Variants in APOBEC3D observed in about 807,000 individuals in gnomAD.
APOBEC3D encodes DNA dC->dU-editing enzyme APOBEC-3D.
In APOBEC3D, 37 loss-of-function variants were observed where a neutral mutation model predicts 45.6. The ratio of observed to expected loss-of-function variants is 0.81; its 90% CI spans 0.62 to 1.07. The LOEUF (loss-of-function observed/expected upper bound fraction) is 1.07, where lower values mean the gene tolerates loss of function less well. Among genes scored for constraint, APOBEC3D ranks in the 50% least tolerant of loss-of-function variants. The pLI, the probability that APOBEC3D is intolerant of heterozygous loss-of-function variation, is 0.00. For synonymous variants in APOBEC3D, 175 were observed against 180.7 expected (o/e 0.97, Z 0.25); for missense variants, 496 against 495.3 (o/e 1.00, Z -0.01).
intron 4 of APOBEC3D, among the ~76,000 whole-genome samples, chr22:39,027,094 C>T (rs1925747238): frequency 6.6e-6 from 1 of 152,092 alleles, no homozygotes; most frequent in South Asian, 2.1e-4. Context: ...CTAAGGCCCT[C>T]GGGAGAGATG....
chr22:39,025,545 T>A lies in APOBEC3D; in HGVS notation c.491-12T>A, dbSNP rs748431888. 3 of 1,614,108 alleles carry A rather than the reference T, an allele frequency of 1.9e-6. No individual in the cohort carries two copies. In the South Asian group the frequency reaches 3.3e-5, roughly 18 times the overall value. ...GGGGAGAGCCTGAGTGCTTCCCACC[T>A]CTTCATCTCAGACTTTGCATACTGC... On this transcript the variant is annotated splice_polypyrimidine_tract_variant and intron_variant, in intron 3 of 6. Transcript: ENST00000216099.
intron 5 of APOBEC3D, among the ~76,000 whole-genome samples, chr22:39,030,599 T>C (rs1926113837): frequency 6.6e-6 from 1 of 152,088 alleles, no homozygotes; most frequent in South Asian, 2.1e-4. Context: ...ATGCGCTGTG[T>C]ATTTTACACG....
chr22:39,029,667 TC>T, intron 5 of APOBEC3D, 148 bp downstream of exon 5: 1 of 1,062,748 alleles, frequency 9.4e-7, no homozygotes, highest in East Asian at 2.7e-5. Flanking sequence ...AGACAGAGTC[TC>T]CCTCATGCAA....
At position 39,021,415 on chromosome 22, in the gene APOBEC3D, C is replaced by T; in HGVS notation, c.-105C>T. ...GCCACCGTGCCCGGCCGGGAGGTCA[C>T]TTTAAGGAGGGCTGTCCAACTGCAA... On this transcript the variant is annotated 5_prime_UTR_variant, in exon 1 of 7. Coordinates refer to ENST00000216099, the MANE Select transcript of APOBEC3D (RefSeq NM_152426.4). 6.4e-7 allele frequency: 1 copy of T among 1,570,234 alleles called. No homozygotes were observed. Among genetic ancestry groups the T allele is most frequent in the Non-Finnish European group, 8.7e-7 (1 of 1,144,384 alleles).
chr22:39,031,386 G>A (rs1166299693), intron 5 of APOBEC3D, among the ~76,000 whole-genome samples: 1 of 152,134 alleles, frequency 6.6e-6, no homozygotes, highest in Non-Finnish European at 1.5e-5. Context: ...TGGGCAATGT[G>A]GCACGACTCC....
intron 5 of APOBEC3D, 124 bp downstream of exon 5, chr22:39,029,643 T>TTC: frequency 1.1e-6 from 1 of 950,010 alleles, no homozygotes. Flanking sequence ...ATTTCTTTCT[T>TTC]TTTTTTTTTT....
rs756715114 is a variant in APOBEC3D at position 39,029,534 on chromosome 22, C to T, written c.762+15C>T. Reference sequence around the variant, plus strand: ...TCCGAAACCAGGTAGCACCAAAGTCCTATTTACACCCTAAATAGGAGCTAA... The same window carrying T: ...TCCGAAACCAGGTAGCACCAAAGTCTTATTTACACCCTAAATAGGAGCTAA... On this transcript the variant is annotated intron_variant, in intron 5 of 6. Coordinates refer to ENST00000216099, the MANE Select transcript of APOBEC3D (RefSeq NM_152426.4). 5 of 1,613,962 alleles carry T rather than the reference C, an allele frequency of 3.1e-6. No homozygotes were observed. The African/African-American group carries it at 6.7e-5, about 22-fold the overall frequency.
chr22:39,032,098 TG>T, intron 6 of APOBEC3D, 99 bp from the exon 7 acceptor site: 1 of 1,582,244 alleles, frequency 6.3e-7, no homozygotes, highest in Non-Finnish European at 8.6e-7. Flanking sequence ...CGGCGCCAGC[TG>T]CAACTGGCAG....
chr22:39,021,706 C>T (rs765837718), intron 1 of APOBEC3D, among the ~76,000 whole-genome samples, 170 bp downstream of exon 1: 5 of 152,088 alleles, frequency 3.3e-5, no homozygotes, highest in Non-Finnish European at 7.4e-5. Context: ...GCTGTGTGGT[C>T]GCCCCACTGC....
intron 4 of APOBEC3D, among the ~76,000 whole-genome samples, chr22:39,027,583 C>T (rs1046673432): frequency 5.2e-4 from 79 of 152,168 alleles, no homozygotes; most frequent in African/African-American, 1.9e-3. Context: ...GAACCCAAGC[C>T]CAGGACTAAA....
rs556558970 is a variant in APOBEC3D at position 39,029,322 on chromosome 22, C to T, written c.606-41C>T. On this transcript the variant is annotated intron_variant, in intron 4 of 6. Coordinates refer to ENST00000216099, the MANE Select transcript of APOBEC3D (RefSeq NM_152426.4). The stretch of plus-strand genomic sequence containing the variant: ...AGTTGTGTTCAGTGGGCATCAGCTC[C>T]GAGGAATCTCTGCACTGGGGTTTCT... 3.6e-5 allele frequency: 58 copies of T among 1,610,400 alleles called. No individual in the cohort carries two copies. In the South Asian group the frequency reaches 4.7e-4, roughly 13 times the overall value.
intron 4 of APOBEC3D, among the ~76,000 whole-genome samples, chr22:39,026,145 G>A (rs1235029395): frequency 6.6e-6 from 1 of 152,200 alleles, no homozygotes; most frequent in Non-Finnish European, 1.5e-5. Flanking sequence ...CCCGGGCCGG[G>A]TGCCCACAGG....
chr22:39,031,989 C>T lies in APOBEC3D; in HGVS notation c.1042+16C>T. 1 of 1,613,730 alleles carries T rather than the reference C, an allele frequency of 6.2e-7. No homozygotes were observed. Among genetic ancestry groups the T allele is most frequent in the Non-Finnish European group, 8.5e-7 (1 of 1,179,706 alleles). On this transcript the variant is annotated intron_variant, in intron 6 of 6. Transcript: ENST00000216099. Reference sequence around the variant, plus strand: ...GGCTACAAAGGTGAGACGTGGGGGGCTGAGGAGAGTGGGTGCGGGAGGGAC... The same window carrying T: ...GGCTACAAAGGTGAGACGTGGGGGGTTGAGGAGAGTGGGTGCGGGAGGGAC...
rs116255730 is a variant in APOBEC3D, at chr22:39,032,953, C to G, written c.*637C>G. On this transcript the variant is annotated 3_prime_UTR_variant, in exon 7 of 7. Coordinates refer to ENST00000216099, the MANE Select transcript of APOBEC3D (RefSeq NM_152426.4). The stretch of plus-strand genomic sequence containing the variant: ...TTATTAAACTCAATCTAGTCTGGCC[C>G]TGGTGACTCACGCCTTTCGGAGGCA... 2 of 151,868 alleles carry G rather than the reference C, an allele frequency of 1.3e-5. No individual in the cohort carries two copies. Among genetic ancestry groups the G allele is most frequent in the African/African-American group, 4.9e-5 (2 of 41,154 alleles). The allele number at this position is 151,868 out of a possible 1,614,324, so 9.4% of individuals were successfully genotyped here.
At chr22:39,029,211 T>G (rs1925965528) in intron 4 of APOBEC3D, among the ~76,000 whole-genome samples, 152 bp from the exon 5 acceptor site, 2 of 152,098 alleles carry the variant, frequency 1.3e-5, no homozygotes, top group South Asian at 4.1e-4. Flanking sequence ...TCTTTCTCTC[T>G]CCCAGTCTTC....
intron 5 of APOBEC3D, 73 bp from the exon 6 acceptor site, chr22:39,031,621 C>T: frequency 1.3e-6 from 2 of 1,580,418 alleles, no homozygotes; most frequent in Non-Finnish European, 1.7e-6. Context: ...CCCTCTTCTC[C>T]CATCGCCCCA....
In APOBEC3D at chr22:39,025,323, C is replaced by T. The variant is rs1418736725; in HGVS notation, c.464C>T (p.Ala155Val). Residue 155 changes from alanine (A) to valine (V), a missense_variant, in exon 3 of 7, where the codon GCC becomes GTC. Coordinates refer to ENST00000216099, the MANE Select transcript of APOBEC3D (RefSeq NM_152426.4). The stretch of plus-strand genomic sequence containing the variant: ...CTCCTCAGGCTGCATAAGGCAGGGG[C>T]CCGTGTGAAGATCATGGACTATGAA... ...WVLLRLHKAG[A>V]RVKIMDYEDF... is the part of the protein sequence containing the mutation. 6.2e-7 allele frequency: 1 copy of T among 1,614,046 alleles called. No homozygotes were observed. The highest frequency in any genetic ancestry group is 1.6e-4 in the Middle Eastern group (1 of 6,062).
chr22:39,029,593 G>A (rs1926005987), intron 5 of APOBEC3D, 74 bp downstream of exon 5: 10 of 1,562,950 alleles, frequency 6.4e-6, no homozygotes, highest in Admixed American at 1.8e-5. Context: ...AATACGTGAC[G>A]TGCCCCGCGT....
rs751185145 is a variant in APOBEC3D, at chr22:39,031,792, C to T, written c.861C>T (p.Tyr287=). 1 of 1,614,098 alleles carries T rather than the reference C, an allele frequency of 6.2e-7. No homozygotes were observed. The highest frequency in any genetic ancestry group is 2.2e-5 in the East Asian group (1 of 44,884). Residue 287 remains tyrosine (Y), a synonymous_variant, in exon 6 of 7, where the codon TAC becomes TAT. Transcript: ENST00000216099. ...ACACAAACTACGAGGTCACCTGGTA[C>T]ACATCTTGGAGCCCTTGCCCAGAGT... ...SPNTNYEVTW[Y]TSWSPCPECA...
Sources: allele counts gnomAD v4.1 joint callset (sites outside exome capture counted in the v4.1 genomes callset), GRCh38; gene constraint gnomAD v4.1.1; transcripts MANE v1.5; gene names NCBI Gene and HGNC (gene_info 2026-07-23, HGNC 2026-07-21).